The following STARD13 variants were observed in gnomAD, a reference collection of about 807,000 sequenced individuals.
STARD13 encodes StAR related lipid transfer domain containing 13.
In STARD13, 62 loss-of-function variants were observed where a neutral mutation model predicts 106.4. The ratio of observed to expected loss-of-function variants is 0.58; its 90% confidence interval spans 0.48 to 0.72. The LOEUF is 0.72. Ranked by LOEUF, STARD13 falls within the 30% of genes least tolerant of loss-of-function variation. The pLI, the probability that STARD13 is intolerant of heterozygous loss-of-function variation, is 0.00. For synonymous variants in STARD13, 565 were observed against 553.0 expected (o/e 1.02, Z -0.31); for missense variants, 1,387 against 1,424.0 (o/e 0.97, Z 0.42).
At chr13:33,440,567 T>A in the STARD13 span, among the ~76,000 whole-genome samples, 1 of 151,870 alleles carries the variant, frequency 6.6e-6, no homozygotes, top group South Asian at 2.1e-4. Flanking sequence ...GCTCTCCTTT[T>A]GCTTGTGCCC....
At chr13:33,522,305 C>T in the STARD13 span, among the ~76,000 whole-genome samples, 2 of 152,060 alleles carry the variant, frequency 1.3e-5, no homozygotes, top group Non-Finnish European at 2.9e-5. Context: ...ATGCACAGCA[C>T]CCCCATCATC....
chr13:33,167,536 G>T lies in STARD13; in HGVS notation c.241+15C>A, dbSNP rs760797256. The T allele has an allele frequency of 1.9e-6, 3 of 1,613,448 alleles. No individual in the cohort carries two copies. The African/African-American group carries it at 4.0e-5, about 22-fold the overall frequency. On this transcript the variant is annotated intron_variant, in intron 2 of 13. Coordinates refer to ENST00000336934, the MANE Select transcript of STARD13 (RefSeq NM_178006.4). The stretch of plus-strand genomic sequence containing the variant: ...TTTATTCTCTGTGTAAGAGCGAAGC[G>T]AAGGGCTGACGTACCCTCATATAAC...
At chr13:33,538,482 G>A in the STARD13 span, among the ~76,000 whole-genome samples, 2 of 152,174 alleles carry the variant, frequency 1.3e-5, no homozygotes, top group African/African-American at 4.8e-5. Flanking sequence ...ACCTGAAATA[G>A]ACGAGACCTA....
At chr13:33,432,450 G>A in the STARD13 span, among the ~76,000 whole-genome samples, 12 of 151,982 alleles carry the variant, frequency 7.9e-5, no homozygotes, top group Non-Finnish European at 1.6e-4. Context: ...ACAATTGCAC[G>A]GTTGCCTGGG....
At chr13:33,245,386 T>G (rs1264625831) in intron 1 of STARD13, among the ~76,000 whole-genome samples, 1 of 152,172 alleles carries the variant, frequency 6.6e-6, no homozygotes, top group Non-Finnish European at 1.5e-5. Context: ...AGAAAAAATA[T>G]CCTGTGAATG....
the STARD13 span, among the ~76,000 whole-genome samples, chr13:33,369,272 TC>T: frequency 6.6e-6 from 1 of 152,000 alleles, no homozygotes; most frequent in Non-Finnish European, 1.5e-5. Flanking sequence ...CTCTGTTGTT[TC>T]GTTTTTCTGC....
chr13:33,425,939 G>A, the STARD13 span, among the ~76,000 whole-genome samples: 7 of 152,228 alleles, frequency 4.6e-5, no homozygotes, highest in African/African-American at 1.7e-4. Flanking sequence ...TTTTTACTGT[G>A]TCCAAATATA....
At chr13:33,310,704 A>T (rs1018232748) in intron 1 of STARD13, among the ~76,000 whole-genome samples, 3 of 152,164 alleles carry the variant, frequency 2.0e-5, no homozygotes, top group Non-Finnish European at 4.4e-5. Context: ...TGTGTATAAT[A>T]CTTCTCAGAG....
chr13:33,147,373 A>C (rs1224868221), intron 3 of STARD13, among the ~76,000 whole-genome samples: 2 of 152,222 alleles, frequency 1.3e-5, no homozygotes, highest in Admixed American at 1.3e-4. Context: ...CAGGAAATCA[A>C]GGCTAAGGCA....
chr13:33,647,202 T>C, the STARD13 span, among the ~76,000 whole-genome samples: 1 of 152,216 alleles, frequency 6.6e-6, no homozygotes, highest in Non-Finnish European at 1.5e-5. Context: ...GTGAACGGAT[T>C]TGATGTCCTT....
At chr13:33,272,629 C>G (rs935491029) in intron 1 of STARD13, 1 of 152,150 alleles carries the variant, frequency 6.6e-6, no homozygotes, top group South Asian at 2.1e-4. Flanking sequence ...TTGCCTGGGC[C>G]TCTGGGTGCA....
At chr13:33,408,164 C>T in the STARD13 span, among the ~76,000 whole-genome samples, 221 of 152,146 alleles carry the variant, frequency 1.5e-3, 1 homozygote, top group African/African-American at 3.8e-3. Context: ...GTGGTAACTA[C>T]GCATAACATA....
intron 1 of STARD13, among the ~76,000 whole-genome samples, chr13:33,212,947 T>C (rs959978897): frequency 6.6e-6 from 1 of 152,216 alleles, no homozygotes; most frequent in Non-Finnish European, 1.5e-5. Flanking sequence ...TGTTTTTAGA[T>C]CAAGGCAACC....
chr13:33,621,134 G>A, the STARD13 span, among the ~76,000 whole-genome samples: 30 of 151,988 alleles, frequency 2.0e-4, no homozygotes, highest in African/African-American at 7.0e-4. Context: ...CATATAAACT[G>A]AAGTAGAAAA....
At chr13:33,128,127 A>T (rs1877518482) in intron 5 of STARD13, among the ~76,000 whole-genome samples, 2 of 151,986 alleles carry the variant, frequency 1.3e-5, no homozygotes, top group Admixed American at 1.3e-4. Flanking sequence ...GAGATAGAGC[A>T]ATATAGACAG....
At chr13:33,487,081 T>C in the STARD13 span, among the ~76,000 whole-genome samples, 2 of 152,240 alleles carry the variant, frequency 1.3e-5, no homozygotes, top group African/African-American at 4.8e-5. Flanking sequence ...CCAAGCTCTA[T>C]GACCTTGGGC....
At chr13:33,642,169 T>A in the STARD13 span, among the ~76,000 whole-genome samples, 1 of 152,200 alleles carries the variant, frequency 6.6e-6, no homozygotes. Flanking sequence ...GGGTGATTGA[T>A]CTTTTCTGAC....
At chr13:33,499,526 T>TTCTTCC in the STARD13 span, among the ~76,000 whole-genome samples, 5 of 22,766 alleles carry the variant, frequency 2.2e-4, 1 homozygote, top group African/African-American at 6.6e-4. Context: ...TTCTTTCTTC[T>TTCTTCC]TCTTCTTCTT....
At chr13:33,232,385 G>A (rs376361689) in intron 1 of STARD13, among the ~76,000 whole-genome samples, 6 of 151,946 alleles carry the variant, frequency 3.9e-5, no homozygotes, top group Non-Finnish European at 7.4e-5. Flanking sequence ...ATTGTTGTAC[G>A]GTTATTCTTT....
Sources: allele counts gnomAD v4.1 joint callset (sites outside exome capture counted in the v4.1 genomes callset), GRCh38; gene constraint gnomAD v4.1.1; transcripts MANE v1.5; gene names NCBI Gene and HGNC (gene_info 2026-07-23, HGNC 2026-07-21).